CWF19L1: variants seen among roughly 807,000 people sequenced by gnomAD.
The protein encoded by CWF19L1 is CWF19 like cell cycle control factor 1, also known as CWF19-like protein 1.
In CWF19L1, 60 loss-of-function variants were observed where a neutral mutation model predicts 69.7. The ratio of observed to expected loss-of-function variants is 0.86; its 90% CI spans 0.70 to 1.07. The LOEUF (loss-of-function observed/expected upper bound fraction) is 1.07, where lower values mean the gene tolerates loss of function less well. Among genes scored for constraint, CWF19L1 ranks in the 50% least tolerant of loss-of-function variants. CWF19L1 has a pLI of 0.00. For synonymous variants in CWF19L1, 209 were observed against 222.2 expected (o/e 0.94, Z 0.53); for missense variants, 591 against 638.9 (o/e 0.92, Z 0.81).
chr10:100,256,551 C>T lies in CWF19L1; in HGVS notation c.290-75G>A, dbSNP rs895508507. ...AAGCCATCAATAGGGGGATGAATCT[C>T]CCATGACTCTCCTATGTCCCTGCCA... On this transcript the variant is annotated intron_variant, in intron 4 of 13. Transcript: ENST00000354105. 7 of 1,125,970 alleles carry T rather than the reference C, an allele frequency of 6.2e-6. No homozygotes were observed. The Admixed American group carries it at 1.2e-4, about 20-fold the overall frequency. The allele number at this position is 1,125,970 out of a possible 1,614,324, so 69.7% of individuals were successfully genotyped here. A position where few individuals can be genotyped will look rare whatever the true frequency, so the allele number is the denominator to read the frequency against.
chr10:100,260,216 A>G lies in CWF19L1; in HGVS notation c.289+2T>C, dbSNP rs1847352683. On this transcript the variant is annotated splice_donor_variant, in intron 4 of 13. Coordinates refer to ENST00000354105, the MANE Select transcript of CWF19L1 (RefSeq NM_018294.6). LOFTEE classifies it high-confidence loss of function. ...AAAAAAATACAACAAGTATCAGCTTACCCAGATAAGTAATGTTTTCAGCTA... is the reference window on the plus strand; with the variant it reads ...AAAAAAATACAACAAGTATCAGCTTGCCCAGATAAGTAATGTTTTCAGCTA... The G allele has an allele frequency of 6.3e-7, 1 of 1,575,960 alleles. No homozygotes were observed. The highest frequency in any genetic ancestry group is 8.7e-7 in the Non-Finnish European group (1 of 1,151,820).
chr10:100,267,581 G>C lies in CWF19L1; in HGVS notation c.13C>G (p.Pro5Ala). The C allele has an allele frequency of 1.1e-5, 17 of 1,614,218 alleles. No individual in the cohort carries two copies. Among genetic ancestry groups the C allele is most frequent in the Non-Finnish European group, 1.2e-5 (14 of 1,180,042 alleles). The change falls in exon 1 of 14, where the codon CCG becomes GCG. Residue 5 changes from proline (P) to alanine (A), a missense_variant. Physicochemically the swap from Pro to Ala is conservative, Grantham distance 27. Around this residue, in one of 3 missense-constraint regions of CWF19L1, gnomAD observed 129 missense variants for 131.3 expected, o/e 0.98. Coordinates refer to ENST00000354105, the MANE Select transcript of CWF19L1 (RefSeq NM_018294.6). MAQK[P>A]LRLLACGDVE... The stretch of plus-strand genomic sequence containing the variant: ...TTCACGGTCACTCACAGGCGCAGCG[G>C]TTTCTGTGCCATCTGTCCGAATAGT...
At chr10:100,265,545 C>T (rs1847550695) in intron 1 of CWF19L1, among the ~76,000 whole-genome samples, 1 of 130,796 alleles carries the variant, frequency 7.6e-6, no homozygotes. Context: ...TTTTTTGAGA[C>T]AGTCTCGCTC....
intron 7 of CWF19L1, chr10:100,248,591 A>C: frequency 1.4e-6 from 1 of 739,306 alleles, no homozygotes; most frequent in Non-Finnish European, 2.5e-6. Flanking sequence ...AGCATTGAAG[A>C]GGATTATGAT....
intron 1 of CWF19L1, among the ~76,000 whole-genome samples, chr10:100,262,882 T>C (rs533716263): frequency 6.6e-6 from 1 of 152,332 alleles, no homozygotes; most frequent in South Asian, 2.1e-4. Context: ...TTTATTGTTT[T>C]GTGAGTGTCT....
At chr10:100,237,985 T>C (rs1846502818) in intron 11 of CWF19L1, 37 bp downstream of exon 11, 3 of 1,582,516 alleles carry the variant, frequency 1.9e-6, no homozygotes, top group Non-Finnish European at 2.6e-6. Flanking sequence ...AAAGTCCCCA[T>C]AGCGCCCTTC....
chr10:100,239,410 G>A (rs1246236736), intron 10 of CWF19L1, among the ~76,000 whole-genome samples: 1 of 152,176 alleles, frequency 6.6e-6, no homozygotes. Context: ...GGAGGCCAAG[G>A]CAAATGGATC....
At chr10:100,252,691 C>G (rs1310579819) in intron 6 of CWF19L1, among the ~76,000 whole-genome samples, 3 of 151,806 alleles carry the variant, frequency 2.0e-5, no homozygotes, top group Admixed American at 1.3e-4. Flanking sequence ...AAAAACTTAG[C>G]CGGACGTGGT....
Position 100,250,233 on chromosome 10 carries a change from T to A in CWF19L1, c.708+15A>T. On this transcript the variant is annotated intron_variant, in intron 7 of 13. Transcript: ENST00000354105. ...CCATGAATATCAACCTTCCACCAAA[T>A]AGGTAAATCTTTACCTTTTTCTTTT... 1 of 1,527,492 alleles carries A rather than the reference T, an allele frequency of 6.5e-7. No homozygotes were observed. Among genetic ancestry groups the A allele is most frequent in the Non-Finnish European group, 9.1e-7 (1 of 1,101,942 alleles). The allele number at this position is 1,527,492 out of a possible 1,614,324, so 94.6% of individuals were successfully genotyped here.
chr10:100,263,622 G>A (rs1264035162), intron 1 of CWF19L1, among the ~76,000 whole-genome samples: 1 of 152,114 alleles, frequency 6.6e-6, no homozygotes, highest in East Asian at 1.9e-4. Flanking sequence ...CATTGTCTCT[G>A]GGAGATCCAC....
intron 9 of CWF19L1, among the ~76,000 whole-genome samples, 173 bp from the exon 10 acceptor site, chr10:100,243,950 G>A (rs1300831203): frequency 6.6e-6 from 1 of 152,208 alleles, no homozygotes; most frequent in African/African-American, 2.4e-5. Context: ...CATTTTCAAT[G>A]AAATTAAACT....
intron 2 of CWF19L1, among the ~76,000 whole-genome samples, chr10:100,261,379 G>C (rs1847392383): frequency 6.6e-6 from 1 of 152,046 alleles, no homozygotes; most frequent in East Asian, 1.9e-4. Context: ...ATCCTTCCCT[G>C]GAATATACAG....
intron 11 of CWF19L1, 56 bp downstream of exon 11, chr10:100,237,966 A>G (rs1480110574): frequency 6.7e-7 from 1 of 1,498,626 alleles, no homozygotes; most frequent in Admixed American, 1.7e-5. Flanking sequence ...ATACTTATTT[A>G]CCAATATCAA....
At position 100,233,387 on chromosome 10, in the gene CWF19L1, A is replaced by T; in HGVS notation, c.1473-16T>A. The T allele has an allele frequency of 1.2e-6, 2 of 1,605,814 alleles. No individual in the cohort carries two copies. Among genetic ancestry groups the T allele is most frequent in the Non-Finnish European group, 1.7e-6 (2 of 1,175,584 alleles). The stretch of plus-strand genomic sequence containing the variant: ...CAGGACCTCCCTGCAGAAATAGCAC[A>T]AAGAAGTCAAAATGGAAACTATCAG... On this transcript the variant is annotated splice_polypyrimidine_tract_variant and intron_variant, in intron 13 of 13. Coordinates refer to ENST00000354105, the MANE Select transcript of CWF19L1 (RefSeq NM_018294.6).
chr10:100,257,326 G>A (rs564620464), intron 4 of CWF19L1, among the ~76,000 whole-genome samples: 3 of 121,030 alleles, frequency 2.5e-5, no homozygotes, highest in African/African-American at 9.9e-5. Flanking sequence ...ATGGAGTCTC[G>A]CTCTGTTGCC....
chr10:100,234,050 A>G (rs2134269780), intron 13 of CWF19L1: 1 of 152,330 alleles, frequency 6.6e-6, no homozygotes, highest in South Asian at 2.1e-4. Flanking sequence ...AGACACACTC[A>G]CACACAAGCT....
intron 6 of CWF19L1, among the ~76,000 whole-genome samples, chr10:100,253,150 G>A (rs1426729526): frequency 6.6e-6 from 1 of 152,124 alleles, no homozygotes; most frequent in Non-Finnish European, 1.5e-5. Flanking sequence ...CTTCCAAGTA[G>A]CTGGAACCAC....
At chr10:100,233,458 C>T in intron 13 of CWF19L1, 87 bp from the exon 14 acceptor site, 2 of 1,406,860 alleles carry the variant, frequency 1.4e-6, no homozygotes, top group Non-Finnish European at 1.9e-6. Flanking sequence ...GCAAATTTCT[C>T]TGACTTTGCT....
chr10:100,238,709 C>T (rs1385725377), intron 10 of CWF19L1, among the ~76,000 whole-genome samples: 9 of 152,096 alleles, frequency 5.9e-5, no homozygotes, highest in African/African-American at 1.4e-4. Flanking sequence ...GCAGGTGGAC[C>T]GCCTGAGGTC....
Sources: gnomAD v4.1 joint callset for allele counts (sites outside exome capture counted in the v4.1 genomes callset) on GRCh38, gnomAD v4.1.1 for gene constraint, gnomAD v4.1.1 regional missense constraint, MANE v1.5 for transcripts, NCBI Gene and HGNC (gene_info 2026-07-23, HGNC 2026-07-21) for gene names.